The following VCF1 variants were observed in gnomAD, a reference collection of about 807,000 sequenced individuals.
VCF1 encodes the protein VCP nuclear cofactor family member 1.
the VCF1 span, among the ~76,000 whole-genome samples, chr17:73,225,835 T>G: frequency 2.1e-5 from 3 of 145,686 alleles, no homozygotes; most frequent in African/African-American, 7.6e-5. Context: ...AATCATTTTT[T>G]AAAAAGAAAA....
At chr17:73,207,934 TAAAAA>T in the VCF1 span, 1 of 602,582 alleles carries the variant, frequency 1.7e-6, no homozygotes, top group Non-Finnish European at 2.3e-6. Context: ...GATGGTAGTT[TAAAAA>T]AAAAAAAAGC....
the VCF1 span, chr17:73,227,303 A>G: frequency 6.7e-7 from 1 of 1,496,430 alleles, no homozygotes; most frequent in Non-Finnish European, 9.0e-7. Context: ...AAAAAACCCA[A>G]ACAACCGATG....
the VCF1 span, chr17:73,209,151 T>C: frequency 1.8e-5 from 4 of 225,058 alleles, no homozygotes; most frequent in Non-Finnish European, 1.8e-5. Context: ...ATAAAAAAAA[T>C]TGAAGATCCC....
chr17:73,216,097 G>A, the VCF1 span, among the ~76,000 whole-genome samples: 1 of 152,102 alleles, frequency 6.6e-6, no homozygotes. Flanking sequence ...ATACTTACGA[G>A]TGGGGATCCT....
the VCF1 span, among the ~76,000 whole-genome samples, chr17:73,230,707 C>G: frequency 2.6e-5 from 4 of 152,124 alleles, no homozygotes; most frequent in Non-Finnish European, 5.9e-5. Context: ...GAAAAACCAC[C>G]GTCTTAGACC....
chr17:73,207,679 T>G, the VCF1 span: 1 of 1,294,446 alleles, frequency 7.7e-7, no homozygotes, highest in Non-Finnish European at 1.0e-6. Context: ...GACATTTTCT[T>G]GTTAATACAC....
the VCF1 span, among the ~76,000 whole-genome samples, chr17:73,224,935 C>CAGG: frequency 5.2e-3 from 606 of 116,822 alleles, 13 homozygotes; most frequent in African/African-American, 0.018. Flanking sequence ...GACAGGACAG[C>CAGG]ACAGCACAGC....
At chr17:73,207,785 C>T in the VCF1 span, 6 of 1,288,646 alleles carry the variant, frequency 4.7e-6, no homozygotes, top group East Asian at 1.1e-4. Context: ...AAAGCTCAAA[C>T]AGCTTGTCTT....
the VCF1 span, among the ~76,000 whole-genome samples, chr17:73,231,834 G>A: frequency 3.9e-5 from 6 of 151,960 alleles, no homozygotes; most frequent in African/African-American, 1.4e-4. Flanking sequence ...GTTCCAAATA[G>A]GAAAAGACAG....
the VCF1 span, among the ~76,000 whole-genome samples, chr17:73,219,460 G>A: frequency 3.3e-5 from 5 of 151,164 alleles, no homozygotes; most frequent in Admixed American, 6.6e-5. Flanking sequence ...CCATCCTGGC[G>A]AACACTGTGG....
chr17:73,212,494 T>C, the VCF1 span, among the ~76,000 whole-genome samples: 1 of 100,464 alleles, frequency 1.0e-5, no homozygotes, highest in African/African-American at 3.4e-5. Context: ...TGAAGTCAGA[T>C]AGCAGGATTT....
chr17:73,217,880 G>A, the VCF1 span, among the ~76,000 whole-genome samples: 3 of 151,902 alleles, frequency 2.0e-5, no homozygotes, highest in African/African-American at 7.3e-5. Context: ...GCTGAGGCAG[G>A]AGAATTGCTT....
At chr17:73,211,979 C>T in the VCF1 span, among the ~76,000 whole-genome samples, 2 of 152,040 alleles carry the variant, frequency 1.3e-5, no homozygotes, top group Admixed American at 1.3e-4. Context: ...GGCAGTGAGC[C>T]AAGATTGCAC....
chr17:73,217,698 A>G, the VCF1 span, among the ~76,000 whole-genome samples: 4 of 151,802 alleles, frequency 2.6e-5, no homozygotes, highest in African/African-American at 9.7e-5. Flanking sequence ...TCATGTCTGT[A>G]ATCCTAGCAC....
At chr17:73,213,269 G>C in the VCF1 span, among the ~76,000 whole-genome samples, 1 of 151,944 alleles carries the variant, frequency 6.6e-6, no homozygotes, top group Admixed American at 6.6e-5. Flanking sequence ...TGTTTACTGG[G>C]CCTTGTTTAT....
At chr17:73,213,884 C>T in the VCF1 span, among the ~76,000 whole-genome samples, 2 of 152,118 alleles carry the variant, frequency 1.3e-5, no homozygotes, top group East Asian at 1.9e-4. Context: ...ACAGCAGAAT[C>T]GCTTGAACCT....
At chr17:73,232,146 C>T in the VCF1 span, 58 of 1,609,944 alleles carry the variant, frequency 3.6e-5, no homozygotes, top group Non-Finnish European at 4.9e-5. Context: ...CGCCGCTCCG[C>T]GAAGAGAGGG....
chr17:73,232,080 T>G, the VCF1 span: 2 of 1,599,200 alleles, frequency 1.3e-6, no homozygotes, highest in Admixed American at 1.7e-5. Context: ...GTCCCTTCCC[T>G]CTCACCTGGG....
chr17:73,210,261 T>C, the VCF1 span, among the ~76,000 whole-genome samples: 1 of 152,314 alleles, frequency 6.6e-6, no homozygotes, highest in South Asian at 2.1e-4. Context: ...GTGATCATCA[T>C]AGACACAAAA....
Sources: allele counts gnomAD v4.1 joint callset (sites outside exome capture counted in the v4.1 genomes callset), GRCh38; gene constraint gnomAD v4.1.1; transcripts MANE v1.5; gene names NCBI Gene and HGNC (gene_info 2026-07-23, HGNC 2026-07-21).